The following ADAMTSL1 variants were observed in gnomAD, a reference collection of about 807,000 sequenced individuals.
ADAMTSL1 encodes the protein ADAMTS like 1, also known as ADAMTS-like protein 1.
ADAMTSL1 carries 126 observed loss-of-function variants against 201.8 expected under a neutral mutation model. The observed-to-expected ratio is 0.62, with a 90% CI of 0.54 to 0.72. The LOEUF (loss-of-function observed/expected upper bound fraction) is 0.72, where lower values mean the gene tolerates loss of function less well. ADAMTSL1 is among the 30% of genes least tolerant of loss of function. ADAMTSL1 has a pLI of 0.00. For missense variants in ADAMTSL1, 2,679 were observed against 2,277.8 expected (o/e 1.18, Z -3.59); for synonymous variants, 1,121 against 903.4 (o/e 1.24, Z -4.32).
At chr9:18,462,070 C>A (rs1820829705) in intron 2 of ADAMTSL1, among the ~76,000 whole-genome samples, 1 of 152,038 alleles carries the variant, frequency 6.6e-6, no homozygotes, top group African/African-American at 2.4e-5. Context: ...CTGTACAGTT[C>A]AAGCCTTTAT....
intron 4 of ADAMTSL1, 198 bp downstream of exon 4, chr9:18,574,464 G>C: frequency 4.8e-6 from 3 of 627,256 alleles, no homozygotes; most frequent in East Asian, 2.6e-5. Flanking sequence ...AAGTAGACTA[G>C]AGTTATTTTT....
At chr9:18,150,106 G>A (rs1357060570) in intron 1 of ADAMTSL1, among the ~76,000 whole-genome samples, 3 of 152,036 alleles carry the variant, frequency 2.0e-5, no homozygotes, top group Non-Finnish European at 2.9e-5. Flanking sequence ...GGGGATATAG[G>A]TGTCTGGAAT....
At chr9:18,247,394 A>G (rs1471901585) in intron 2 of ADAMTSL1, among the ~76,000 whole-genome samples, 1 of 152,170 alleles carries the variant, frequency 6.6e-6, no homozygotes, top group Non-Finnish European at 1.5e-5. Context: ...TTCATCAATA[A>G]TTTTCATTCA....
chr9:18,343,029 G>A (rs1329435325), intron 2 of ADAMTSL1, among the ~76,000 whole-genome samples: 2 of 150,990 alleles, frequency 1.3e-5, no homozygotes, highest in East Asian at 3.9e-4. Context: ...GGGTTTTTTT[G>A]TTTTGTTTTT....
chr9:18,423,127 C>T (rs533931665), intron 2 of ADAMTSL1, among the ~76,000 whole-genome samples: 10 of 152,242 alleles, frequency 6.6e-5, no homozygotes, highest in African/African-American at 2.2e-4. Context: ...CGCTGGTGAC[C>T]TAAAGGCCCC....
At chr9:18,489,427 A>G (rs912127303) in intron 1 of ADAMTSL1, among the ~76,000 whole-genome samples, 1 of 152,192 alleles carries the variant, frequency 6.6e-6, no homozygotes, top group Admixed American at 6.5e-5. Context: ...ATCCTGTTAC[A>G]TAGCATGCAC....
At chr9:18,508,601 C>G (rs1472631833) in intron 2 of ADAMTSL1, among the ~76,000 whole-genome samples, 1 of 152,146 alleles carries the variant, frequency 6.6e-6, no homozygotes, top group Non-Finnish European at 1.5e-5. Context: ...TCCTGGGTTA[C>G]AGCCTCATGT....
intron 2 of ADAMTSL1, among the ~76,000 whole-genome samples, chr9:18,417,367 G>GAAAAAAAAA (rs80226819): frequency 3.1e-5 from 2 of 64,678 alleles, no homozygotes; most frequent in Non-Finnish European, 6.3e-5. Flanking sequence ...AAGTAAGCAG[G>GAAAAAAAAA]AAAAAAAAAA....
At chr9:17,939,694 G>A (rs1827156267) in intron 1 of ADAMTSL1, among the ~76,000 whole-genome samples, 1 of 151,750 alleles carries the variant, frequency 6.6e-6, no homozygotes, top group Non-Finnish European at 1.5e-5. Flanking sequence ...ATTTACTTAG[G>A]GCCCATTTAT....
Position 18,547,980 on chromosome 9 carries a change from A to AT in ADAMTSL1, c.237+14688_237+14689insT, listed in dbSNP as rs577381326. On this transcript the variant is annotated intron_variant, in intron 3 of 28. Transcript: ENST00000380548. ...TAAAAATTCCAAAACATAGGAAAAA[A>AT]ATATATATATAATACCAAGAAAGAC... Among the ~76,000 whole-genome samples, 676 of 152,070 alleles carry AT rather than the reference A, an allele frequency of 4.4e-3. 4 individuals carry two copies. The highest frequency in any genetic ancestry group is 0.015 in the African/African-American group (620 of 41,500).
chr9:18,026,674 G>A (rs889077551), intron 1 of ADAMTSL1, among the ~76,000 whole-genome samples: 8 of 151,796 alleles, frequency 5.3e-5, no homozygotes, highest in Non-Finnish European at 7.4e-5. Context: ...TTCTTTTTTC[G>A]TTGTGTCTTT....
chr9:18,166,204 A>G lies in ADAMTSL1; in HGVS notation c.207+2223A>G, dbSNP rs141898951. ...AGATTAGCAGCTCTGCTCCTTGAAG[A>G]CAGGACCTCTGTTGATTCTCAGGTC... On this transcript the variant is annotated intron_variant, in intron 2 of 29. Transcript: ENST00000680146. Among the ~76,000 whole-genome samples the G allele has an allele frequency of 2.6e-3, 395 of 152,056 alleles. 3 individuals carry two copies. Among genetic ancestry groups the G allele is most frequent in the African/African-American group, 9.0e-3 (373 of 41,522 alleles).
chr9:18,275,060 T>A (rs1832533950), intron 2 of ADAMTSL1, among the ~76,000 whole-genome samples: 1 of 152,168 alleles, frequency 6.6e-6, no homozygotes, highest in Non-Finnish European at 1.5e-5. Context: ...AACCCAATGA[T>A]TTGAAGACAA....
intron 1 of ADAMTSL1, among the ~76,000 whole-genome samples, chr9:17,938,687 G>T (rs550474516): frequency 6.6e-6 from 1 of 152,222 alleles, no homozygotes; most frequent in South Asian, 2.1e-4. Flanking sequence ...AGATTTCCCA[G>T]TCATCTTCCT....
intron 2 of ADAMTSL1, among the ~76,000 whole-genome samples, chr9:18,224,042 C>G (rs1407495383): frequency 6.6e-6 from 1 of 151,888 alleles, no homozygotes; most frequent in African/African-American, 2.4e-5. Flanking sequence ...TTCTTTTATC[C>G]TCTTTTCCAG....
rs569779402 is a variant in ADAMTSL1 at position 18,261,768 on chromosome 9, G to A, written c.207+97787G>A. 1.1e-4 allele frequency among the ~76,000 whole-genome samples: 17 copies of A among 152,296 alleles called. No homozygotes were observed. The South Asian group carries it at 3.1e-3, about 28-fold the overall frequency. ...ACCTTGTATTTACTAAAAGCAAGAA[G>A]AGAACTATTGTAGGTGGCACGCATA... is the stretch of plus-strand genomic sequence containing the variant. On this transcript the variant is annotated intron_variant, in intron 2 of 29. Transcript: ENST00000680146.
chr9:18,632,921 C>G (rs1455736201), intron 5 of ADAMTSL1, among the ~76,000 whole-genome samples: 1 of 152,178 alleles, frequency 6.6e-6, no homozygotes, highest in Non-Finnish European at 1.5e-5. Context: ...TACCCTCTTC[C>G]TCAACAACTT....
At chr9:18,854,984 A>C (rs558224725) in intron 23 of ADAMTSL1, among the ~76,000 whole-genome samples, 108 of 152,302 alleles carry the variant, frequency 7.1e-4, no homozygotes, top group Middle Eastern at 3.4e-3. Flanking sequence ...GGTCTTCAGA[A>C]ATAGTCATGC....
chr9:18,146,737 T>C (rs1366352430), intron 1 of ADAMTSL1, among the ~76,000 whole-genome samples: 2 of 152,214 alleles, frequency 1.3e-5, no homozygotes, highest in African/African-American at 4.8e-5. Context: ...AATGTGGTAG[T>C]GTGCCCTTAT....
Sources: allele counts gnomAD v4.1 joint callset (sites outside exome capture counted in the v4.1 genomes callset), GRCh38; gene constraint gnomAD v4.1.1; transcripts MANE v1.5; gene names NCBI Gene and HGNC (gene_info 2026-07-23, HGNC 2026-07-21).